Variants in ANO7 observed in about 807,000 individuals in gnomAD.
The protein encoded by ANO7 is anoctamin 7, also known as anoctamin-7.
A neutral mutation model predicts 115.8 loss-of-function variants in ANO7; 114 were observed. The observed-to-expected ratio is 0.98, with a 90% CI of 0.85 to 1.15. The LOEUF (loss-of-function observed/expected upper bound fraction) is 1.15. Ranked by LOEUF, ANO7 falls within the 50% of genes most tolerant of loss-of-function variation. The pLI is 0.00. For missense variants in ANO7, 1,302 were observed against 1,201.2 expected, an observed-to-expected ratio of 1.08 and a Z score of -1.24; for synonymous variants, 550 against 498.2, an observed-to-expected ratio of 1.10 and a Z score of -1.38.
Position 241,209,526 on chromosome 2 carries a change from C to A in ANO7, c.1250C>A (p.Ser417Ter). ...AGGCCTCGGCCCCAGTTTGCCGCCT[C>A]AGCCCCCATGACAGCCCCGAACCCC... ...EERPRPQFAA[S>*]APMTAPNPIT... is the part of the protein sequence containing the mutation. The change falls in exon 13 of 25, where the codon TCA becomes TAA. Residue 417 changes from serine (S) to a stop codon, truncating the protein, a stop_gained. Transcript: ENST00000674324. LOFTEE classifies it high-confidence loss of function. 2 of 1,593,246 alleles carry A rather than the reference C, an allele frequency of 1.3e-6. No homozygotes were observed. The highest frequency in any genetic ancestry group is 8.5e-7 in the Non-Finnish European group (1 of 1,169,876).
chr2:241,198,642 G>A (rs1001877202), intron 4 of ANO7, among the ~76,000 whole-genome samples: 2 of 152,216 alleles, frequency 1.3e-5, no homozygotes, highest in South Asian at 2.1e-4. Context: ...AGGTGGGGCC[G>A]GGACTTTGGC....
At position 241,209,509 on chromosome 2, in the gene ANO7, G is replaced by A. The variant is rs369780003; in HGVS notation, c.1233G>A (p.Arg411=). The A allele has an allele frequency of 6.9e-6, 11 of 1,590,304 alleles. No homozygotes were observed. The African/African-American group carries it at 1.3e-4, about 19-fold the overall frequency. ...CGGCTCCCTTCCAGGAGAGGCCTCG[G>A]CCCCAGTTTGCCGCCTCAGCCCCCA... ...SDYEDTEERP[R]PQFAASAPMT... is the part of the protein sequence containing the mutation. Residue 411 remains arginine, a synonymous_variant, in exon 13 of 25, where the codon CGG becomes CGA. Transcript: ENST00000674324.
intron 1 of ANO7, 66 bp from the exon 2 acceptor site, chr2:241,189,990 GC>G: frequency 1.6e-6 from 2 of 1,250,090 alleles, no homozygotes; most frequent in Non-Finnish European, 2.3e-6. Flanking sequence ...CAGTGTGGTG[GC>G]CCCAGGAACG....
chr2:241,204,743 G>T (rs1291571738), intron 9 of ANO7, 122 bp from the exon 10 acceptor site: 2 of 682,766 alleles, frequency 2.9e-6, no homozygotes. Context: ...CCTCACATAG[G>T]GCCCCAGCCC....
downstream of ANO7, chr2:241,230,012 A>G (rs769139339): frequency 6.4e-7 from 1 of 1,570,216 alleles, no homozygotes; most frequent in Non-Finnish European, 8.7e-7. This position sits in a 1 kb window ranked among gnomAD's most constrained non-coding sequence, Gnocchi z 5.0. Flanking sequence ...CACCCCCAGC[A>G]TCCCGCCCGC....
downstream of ANO7, among the ~76,000 whole-genome samples, chr2:241,226,552 G>T (rs1165950995): frequency 6.6e-6 from 1 of 151,986 alleles, no homozygotes; most frequent in Admixed American, 6.6e-5. Context: ...AGCCTCCCGA[G>T]TAGCTGGGAC....
Position 241,209,506 on chromosome 2 carries a change from T to A in ANO7, c.1230T>A (p.Pro410=). ...CSDYEDTEER[P]RPQFAASAPM... is the part of the protein sequence containing the mutation. Reference sequence around the variant, plus strand: ...CACCGGCTCCCTTCCAGGAGAGGCCTCGGCCCCAGTTTGCCGCCTCAGCCC... The same window carrying A: ...CACCGGCTCCCTTCCAGGAGAGGCCACGGCCCCAGTTTGCCGCCTCAGCCC... Residue 410 remains proline, a synonymous_variant, in exon 13 of 25, where the codon CCT becomes CCA. Transcript: ENST00000674324. 1.3e-6 allele frequency: 2 copies of A among 1,592,432 alleles called. No homozygotes were observed. Among genetic ancestry groups the A allele is most frequent in the Non-Finnish European group, 1.7e-6 (2 of 1,169,232 alleles).
the ANO7 span, chr2:241,236,608 C>T: frequency 3.1e-6 from 5 of 1,613,656 alleles, no homozygotes; most frequent in South Asian, 5.5e-5. Flanking sequence ...GGCACATGGA[C>T]ACATACCTCC....
chr2:241,233,257 C>T, the ANO7 span, among the ~76,000 whole-genome samples: 7 of 152,170 alleles, frequency 4.6e-5, no homozygotes, highest in Admixed American at 1.3e-4. This position sits in a 1 kb window ranked among gnomAD's most constrained non-coding sequence, Gnocchi z 4.3. Context: ...GCCCTGCATG[C>T]CAGGTGGCAG....
chr2:241,223,568 A>G, intron 22 of ANO7, 94 bp from the exon 23 acceptor site: 1 of 1,538,716 alleles, frequency 6.5e-7, no homozygotes, highest in Non-Finnish European at 8.8e-7. Flanking sequence ...CTCCACCCAC[A>G]GCTGGGAGCA....
downstream of ANO7, chr2:241,230,881 G>A (rs1365608032): frequency 6.2e-7 from 1 of 1,614,164 alleles, no homozygotes; most frequent in Non-Finnish European, 8.5e-7. This position sits in a 1 kb window ranked among gnomAD's most constrained non-coding sequence, Gnocchi z 5.0. Context: ...ACAATTCTCA[G>A]TATAGCATCC....
chr2:241,217,648 C>T, intron 19 of ANO7, 38 bp from the exon 20 acceptor site: 1 of 1,543,800 alleles, frequency 6.5e-7, no homozygotes, highest in Non-Finnish European at 8.7e-7. Context: ...TGAGGGCGGA[C>T]GGTGGCGGAG....
chr2:241,196,473 C>A (rs1465291003), intron 4 of ANO7, among the ~76,000 whole-genome samples: 2 of 152,272 alleles, frequency 1.3e-5, no homozygotes, highest in Admixed American at 6.5e-5. Flanking sequence ...TGACCACCTT[C>A]CTCTGTCCCC....
chr2:241,210,539 T>G lies in ANO7; in HGVS notation c.1530T>G (p.Tyr510Ter), dbSNP rs745350156. The change falls in exon 15 of 25, where the codon TAT becomes TAG. Residue 510 changes from tyrosine (Y) to a stop codon, truncating the protein, a stop_gained. Coordinates refer to ENST00000674324, the MANE Select transcript of ANO7 (RefSeq NM_001370694.2). LOFTEE classifies it high-confidence loss of function. ...TCATCCTCATCCTCTCCAAGATCTATGTATCCCTGGCCCACGTCCTGACAC... is the reference window on the plus strand; with the variant it reads ...TCATCCTCATCCTCTCCAAGATCTAGGTATCCCTGGCCCACGTCCTGACAC... ...LVFILILSKI[Y>*]VSLAHVLTRW... 2 of 1,613,816 alleles carry G rather than the reference T, an allele frequency of 1.2e-6. No individual in the cohort carries two copies. Among genetic ancestry groups the G allele is most frequent in the Non-Finnish European group, 1.7e-6 (2 of 1,179,988 alleles).
At chr2:241,215,913 C>T (rs868713201) in intron 18 of ANO7, among the ~76,000 whole-genome samples, 180 bp from the exon 19 acceptor site, 4 of 152,198 alleles carry the variant, frequency 2.6e-5, no homozygotes, top group African/African-American at 7.2e-5. Context: ...TCACTGAGTC[C>T]GATCTGCAAA....
the ANO7 span, chr2:241,236,461 A>G: frequency 1.3e-6 from 1 of 744,030 alleles, no homozygotes; most frequent in Non-Finnish European, 2.3e-6. Flanking sequence ...CCAGCCGAGA[A>G]GCACAGCCCG....
chr2:241,235,446 G>A, the ANO7 span: 127 of 1,513,150 alleles, frequency 8.4e-5, 3 homozygotes, highest in East Asian at 2.7e-3. Flanking sequence ...GAGAGGATGC[G>A]ACAGGCCACT....
chr2:241,203,940 C>T lies in ANO7; in HGVS notation c.889+442C>T, dbSNP rs1312526447. Among the ~76,000 whole-genome samples the T allele has an allele frequency of 2.0e-5, 3 of 152,220 alleles. No homozygotes were observed. The highest frequency in any genetic ancestry group is 2.0e-4 in the Admixed American group (3 of 15,288). On this transcript the variant is annotated intron_variant, in intron 9 of 24. Coordinates refer to ENST00000674324, the MANE Select transcript of ANO7 (RefSeq NM_001370694.2). The surrounding 1 kb of genome is among the most constrained non-coding windows in gnomAD (Gnocchi z 4.8). ...CTGGGTCCTGGCTGCCCTCACCCCACTCAGCTCTTGGCACCCTCCCTTCCC... is the reference window on the plus strand; with the variant it reads ...CTGGGTCCTGGCTGCCCTCACCCCATTCAGCTCTTGGCACCCTCCCTTCCC...
Position 241,188,734 on chromosome 2 carries a change from C to A in ANO7, c.-40C>A, listed in dbSNP as rs748288158. On this transcript the variant is annotated 5_prime_UTR_variant, in exon 1 of 25. Coordinates refer to ENST00000674324, the MANE Select transcript of ANO7 (RefSeq NM_001370694.2). The surrounding 1 kb of genome is among the most constrained non-coding windows in gnomAD (Gnocchi z 4.3). ...CTCACGCTGAGAGGTGGGCCATGAC[C>A]TCCGAGACCTCTTCCGGAAGCCACT... The A allele has an allele frequency of 1.9e-6, 3 of 1,613,638 alleles. No individual in the cohort carries two copies. In the South Asian group the frequency reaches 3.3e-5, roughly 18 times the overall value.
Sources: allele counts gnomAD v4.1 joint callset (sites outside exome capture counted in the v4.1 genomes callset), GRCh38; gene constraint gnomAD v4.1.1; non-coding constraint Gnocchi (gnomAD v3.1); transcripts MANE v1.5; gene names NCBI Gene and HGNC (gene_info 2026-07-23, HGNC 2026-07-21).